Variants in PARP2 observed in about 807,000 individuals in gnomAD.
The protein encoded by PARP2 is poly(ADP-ribose) polymerase 2, also known as poly [ADP-ribose] polymerase 2.
Under a neutral mutation model 77.8 loss-of-function variants are expected in PARP2, and 57 were observed. That is an observed-to-expected ratio of 0.73 (90% CI 0.59 to 0.91). The LOEUF (loss-of-function observed/expected upper bound fraction) is 0.91, where lower values mean the gene tolerates loss of function less well. PARP2 is among the 40% of genes least tolerant of loss of function. PARP2 has a pLI of 0.00. For missense variants in PARP2, 651 were observed against 689.0 expected (o/e 0.94, Z 0.62); for synonymous variants, 226 against 242.6 (o/e 0.93, Z 0.64).
At position 20,357,710 on chromosome 14, in the gene PARP2, C is replaced by T. The variant is rs754181068; in HGVS notation, c.1626C>T (p.Asn542=). Residue 542 remains asparagine, a synonymous_variant, in exon 16 of 16, where the codon AAC becomes AAT. Coordinates refer to ENST00000429687, the MANE Select transcript of PARP2 (RefSeq NM_001042618.2). The part of the protein sequence containing the change: ...GILNPDGYTL[N]YNEYIVYNPN... ...TGAATCCAGATGGTTATACCCTCAA[C>T]TACAATGAATATATTGTATATAACC... is the stretch of plus-strand genomic sequence containing the variant. The T allele has an allele frequency of 6.2e-7, 1 of 1,613,044 alleles. No homozygotes were observed. Among genetic ancestry groups the T allele is most frequent in the South Asian group, 1.1e-5 (1 of 91,052 alleles).
In PARP2 at chr14:20,357,412, G is replaced by T; in HGVS notation, c.1445G>T (p.Cys482Phe). 1 of 1,611,660 alleles carries T rather than the reference G, an allele frequency of 6.2e-7. No individual in the cohort carries two copies. The highest frequency in any genetic ancestry group is 8.5e-7 in the Non-Finnish European group (1 of 1,179,192). ...GCTTTGCAGGTAGCTCTAGGTCAGT[G>T]TAATGAACTACTAGAGGCCAATCCT... ...LLLSEVALGQCNELLEANPKA... is the reference protein window; with the variant it reads ...LLLSEVALGQFNELLEANPKA... Residue 482 changes from cysteine to phenylalanine, a missense_variant, in exon 15 of 16, where the codon TGT becomes TTT. Cys to Phe is a radical substitution (Grantham distance 205, BLOSUM62 -2). Transcript: ENST00000429687.
chr14:20,348,824 A>T (rs1475671180), intron 4 of PARP2, among the ~76,000 whole-genome samples: 1 of 152,094 alleles, frequency 6.6e-6, no homozygotes, highest in Non-Finnish European at 1.5e-5. Flanking sequence ...GTTCAAGACC[A>T]GCCTGACCAA....
chr14:20,352,548 G>GATTTTTTTT, intron 7 of PARP2: 1 of 237,488 alleles, frequency 4.2e-6, no homozygotes, highest in Non-Finnish European at 6.9e-6. Context: ...CTGCCCAGCT[G>GATTTTTTTT]ATTTTTTTTC....
chr14:20,356,915 G>T, intron 13 of PARP2, 136 bp from the exon 14 acceptor site: 1 of 720,582 alleles, frequency 1.4e-6, no homozygotes, highest in Admixed American at 2.2e-5. Context: ...ACCCTCTCTA[G>T]AACAGAATTG....
At chr14:20,348,532 T>C (rs1164023552) in intron 4 of PARP2, among the ~76,000 whole-genome samples, 1 of 152,110 alleles carries the variant, frequency 6.6e-6, no homozygotes, top group Non-Finnish European at 1.5e-5. Context: ...CAAGCTCAGC[T>C]TTCTTTTTAA....
chr14:20,356,198 T>A, intron 11 of PARP2, 109 bp from the exon 12 acceptor site: 1 of 1,441,620 alleles, frequency 6.9e-7, no homozygotes, highest in Non-Finnish European at 9.5e-7. Context: ...CTTGTAAGAC[T>A]GTTTGGGAGC....
At chr14:20,347,343 CATAT>C (rs1354296808) in intron 4 of PARP2, among the ~76,000 whole-genome samples, 3 of 76,892 alleles carry the variant, frequency 3.9e-5, no homozygotes, top group African/African-American at 1.9e-4. Flanking sequence ...TAAAGTCCTT[CATAT>C]GTGTGTGTGT....
At chr14:20,345,320 C>A in intron 2 of PARP2, 74 bp from the exon 3 acceptor site, 2 of 1,352,722 alleles carry the variant, frequency 1.5e-6, no homozygotes, top group Non-Finnish European at 2.1e-6. Context: ...CAAAGTTAAT[C>A]CTGACAAGTT....
Position 20,355,744 on chromosome 14 carries a change from G to A in PARP2, c.903-8G>A, listed in dbSNP as rs1364556793. 2 of 1,611,574 alleles carry A rather than the reference G, an allele frequency of 1.2e-6. No homozygotes were observed. The highest frequency in any genetic ancestry group is 1.7e-6 in the Non-Finnish European group (2 of 1,177,894). On this transcript the variant is annotated splice_region_variant and splice_polypyrimidine_tract_variant and intron_variant, in intron 9 of 15. Coordinates refer to ENST00000429687, the MANE Select transcript of PARP2 (RefSeq NM_001042618.2). ...AAAGCTCATTATGGGTTATATCTCT[G>A]TTCTTAGACTCCGTACTCCTCCACT... is the stretch of plus-strand genomic sequence containing the variant.
Position 20,354,071 on chromosome 14 carries a change from GT to G in PARP2, c.601-8del, listed in dbSNP as rs780397138. The G allele has an allele frequency of 3.1e-6, 5 of 1,603,494 alleles. No individual in the cohort carries two copies. In the South Asian group the frequency reaches 4.4e-5, roughly 14 times the overall value. On this transcript the variant is annotated splice_polypyrimidine_tract_variant and intron_variant, in intron 7 of 15. Coordinates refer to ENST00000429687, the MANE Select transcript of PARP2 (RefSeq NM_001042618.2). Reference sequence around the variant, plus strand: ...TCTTAGATTGTCTTGTGTTTTGTTTGTTTTTTGCTATAGGATGAAGAGGAAA... The same window carrying G: ...TCTTAGATTGTCTTGTGTTTTGTTTGTTTTTGCTATAGGATGAAGAGGAAA...
At chr14:20,355,541 C>A in intron 9 of PARP2, 2 of 356,626 alleles carry the variant, frequency 5.6e-6, no homozygotes, top group Non-Finnish European at 1.0e-5. Flanking sequence ...AGTCAAAATC[C>A]ACATAGTTCA....
intron 5 of PARP2, 97 bp from the exon 6 acceptor site, chr14:20,350,950 C>T (rs1883931148): frequency 2.2e-6 from 2 of 925,546 alleles, no homozygotes; most frequent in Admixed American, 4.3e-5. Flanking sequence ...TCCCTTCTCC[C>T]TTTCCTGCCT....
Position 20,355,878 on chromosome 14 carries a change from C to CT in PARP2, c.967-18dup. The CT allele has an allele frequency of 6.2e-7, 1 of 1,613,958 alleles. No individual in the cohort carries two copies. The highest frequency in any genetic ancestry group is 1.3e-5 in the African/African-American group (1 of 75,006). On this transcript the variant is annotated intron_variant, in intron 10 of 15. Coordinates refer to ENST00000429687, the MANE Select transcript of PARP2 (RefSeq NM_001042618.2). ...ATACCAGTGTCCTCCCACATTGATT[C>CT]TATATCTCATCTTCTCAGGCTTTGG...
In PARP2 at chr14:20,350,838, T is replaced by C. The variant is rs972970122; in HGVS notation, c.422-209T>C. 8 of 607,124 alleles carry C rather than the reference T, an allele frequency of 1.3e-5. No homozygotes were observed. In the African/African-American group the frequency reaches 1.5e-4, roughly 11 times the overall value. The allele number at this position is 607,124 out of a possible 1,614,324, so 37.6% of individuals were successfully genotyped here. A position where few individuals can be genotyped will look rare whatever the true frequency, so the allele number is the denominator to read the frequency against. ...AAAACTAAGAGCAGCCCATTGAGTC[T>C]GAAAACTCTTCTATAGTTGAACTGC... is the stretch of plus-strand genomic sequence containing the variant. On this transcript the variant is annotated intron_variant, in intron 5 of 15. Transcript: ENST00000429687.
At chr14:20,348,435 G>T (rs1049572118) in intron 4 of PARP2, among the ~76,000 whole-genome samples, 1 of 147,754 alleles carries the variant, frequency 6.8e-6, no homozygotes, top group African/African-American at 2.5e-5. Context: ...GTCTTGCTAT[G>T]TTGCTCAGGC....
chr14:20,346,687 G>A (rs1188418674), intron 3 of PARP2, 176 bp from the exon 4 acceptor site: 1 of 535,584 alleles, frequency 1.9e-6, no homozygotes, highest in East Asian at 2.8e-5. Flanking sequence ...TTCATTTATA[G>A]TAAGGTTACA....
At chr14:20,349,429 G>A (rs1883881303) in intron 4 of PARP2, among the ~76,000 whole-genome samples, 1 of 152,178 alleles carries the variant, frequency 6.6e-6, no homozygotes, top group Non-Finnish European at 1.5e-5. Flanking sequence ...CAGCACTTTG[G>A]GAGGCCAAGG....
intron 7 of PARP2, among the ~76,000 whole-genome samples, chr14:20,353,402 G>A (rs1041049644): frequency 2.0e-5 from 3 of 151,660 alleles, no homozygotes; most frequent in Admixed American, 2.0e-4. Flanking sequence ...CACCACGCCC[G>A]GCTAATTTTT....
Position 20,357,442 on chromosome 14 carries a change from C to T in PARP2, c.1475C>T (p.Ala492Val). ...CNELLEANPK[A>V]EGLLQGKHST... ...GAACTACTAGAGGCCAATCCTAAGG[C>T]CGAAGGATTGCTTCAAGGTAAACAT... Residue 492 changes from alanine to valine, a missense_variant, in exon 15 of 16, where the codon GCC (alanine) becomes GTC (valine). Coordinates refer to ENST00000429687, the MANE Select transcript of PARP2 (RefSeq NM_001042618.2). The T allele has an allele frequency of 6.2e-7, 1 of 1,613,822 alleles. No individual in the cohort carries two copies. The highest frequency in any genetic ancestry group is 8.5e-7 in the Non-Finnish European group (1 of 1,179,906).
Sources: allele counts gnomAD v4.1 joint callset (sites outside exome capture counted in the v4.1 genomes callset), GRCh38; gene constraint gnomAD v4.1.1; transcripts MANE v1.5; gene names NCBI Gene and HGNC (gene_info 2026-07-23, HGNC 2026-07-21).